The following LRRCC1 variants were observed in gnomAD, a reference collection of about 807,000 sequenced individuals.
LRRCC1 encodes the protein leucine-rich repeat and coiled-coil domain-containing protein 1.
Under a neutral mutation model 126.0 loss-of-function variants are expected in LRRCC1, and 115 were observed. That is an observed-to-expected ratio of 0.91 (90% CI 0.78 to 1.07). LRRCC1 has a LOEUF of 1.07. Ranked by LOEUF, LRRCC1 falls within the 50% of genes least tolerant of loss-of-function variation. LRRCC1 has a pLI of 0.00. For synonymous variants in LRRCC1, 400 were observed against 393.4 expected (o/e 1.02, Z -0.20); for missense variants, 1,172 against 1,175.7 (o/e 1.00, Z 0.05).
At chr8:85,118,535 T>G (rs1364055607) in intron 6 of LRRCC1, among the ~76,000 whole-genome samples, 1 of 152,084 alleles carries the variant, frequency 6.6e-6, no homozygotes, top group Admixed American at 6.6e-5. Flanking sequence ...TCACCAATAT[T>G]TGGTGAGGTT....
chr8:85,136,054 A>G (rs1365772699), intron 14 of LRRCC1, 91 bp downstream of exon 14: 2 of 1,103,094 alleles, frequency 1.8e-6, no homozygotes, highest in Non-Finnish European at 2.4e-6. Context: ...AACTCTGCCT[A>G]AAGATGCCAA....
intron 17 of LRRCC1, among the ~76,000 whole-genome samples, 200 bp downstream of exon 17, chr8:85,138,675 A>G (rs1196808985): frequency 6.6e-6 from 1 of 152,228 alleles, no homozygotes; most frequent in Non-Finnish European, 1.5e-5. Flanking sequence ...GACATTTGAT[A>G]TATATGTGTG....
At chr8:85,121,960 T>A (rs766155350) in intron 6 of LRRCC1, among the ~76,000 whole-genome samples, 6 of 152,246 alleles carry the variant, frequency 3.9e-5, no homozygotes, top group Non-Finnish European at 5.9e-5. Flanking sequence ...ACTTCCAGCC[T>A]GAACTTCCTT....
chr8:85,134,802 A>C (rs1227323526), intron 12 of LRRCC1, 45 bp from the exon 13 acceptor site: 10 of 1,246,178 alleles, frequency 8.0e-6, no homozygotes, highest in African/African-American at 1.6e-5. Context: ...AATATTTTCT[A>C]ATTATTTGGA....
intron 17 of LRRCC1, among the ~76,000 whole-genome samples, chr8:85,139,187 A>G (rs1343947838): frequency 6.6e-6 from 1 of 152,220 alleles, no homozygotes; most frequent in African/African-American, 2.4e-5. Flanking sequence ...GTTGACTACC[A>G]GGGTCAATGA....
rs1463513822 is a variant in LRRCC1 at position 85,129,353 on chromosome 8, CAAAA to C, written c.1603_1606del (p.Lys535GlyfsTer8). 1.1e-5 allele frequency: 17 copies of C among 1,610,602 alleles called. No homozygotes were observed. Among genetic ancestry groups the C allele is most frequent in the Non-Finnish European group, 1.4e-5 (17 of 1,179,160 alleles). The stretch of plus-strand genomic sequence containing the variant: ...AAAAACATTAGAAAAAATGGAGAGA[CAAAA>C]AAGGCAGCAGCAGGCAGCACAGGTA... On this transcript the variant is annotated frameshift_variant, in exon 10 of 19. Transcript: ENST00000360375. LOFTEE classifies it high-confidence loss of function.
intron 6 of LRRCC1, among the ~76,000 whole-genome samples, chr8:85,116,519 C>T (rs947781149): frequency 6.6e-6 from 1 of 151,914 alleles, no homozygotes; most frequent in African/African-American, 2.4e-5. Flanking sequence ...ACTACAGGCA[C>T]ATGCCACTGT....
chr8:85,145,628 T>C lies in LRRCC1; in HGVS notation c.*117T>C. The C allele has an allele frequency of 1.3e-6, 1 of 761,252 alleles. No individual in the cohort carries two copies. The highest frequency in any genetic ancestry group is 4.2e-4 in the Middle Eastern group (1 of 2,376). 47.2% of individuals were successfully genotyped at this position (761,252 alleles called of 1,614,324 possible). A position where few individuals can be genotyped will look rare whatever the true frequency, so the allele number is the denominator to read the frequency against. Reference sequence around the variant, plus strand: ...AAATGTCTCTTTCTATACATTTCATTATGAATATATTTTTAAAGACTTTTG... The same window carrying C: ...AAATGTCTCTTTCTATACATTTCATCATGAATATATTTTTAAAGACTTTTG... On this transcript the variant is annotated 3_prime_UTR_variant, in exon 19 of 19. Transcript: ENST00000360375.
At chr8:85,144,465 TATA>T (rs1563963504) in intron 18 of LRRCC1, among the ~76,000 whole-genome samples, 1 of 52,052 alleles carries the variant, frequency 1.9e-5, no homozygotes, top group African/African-American at 7.9e-5. Flanking sequence ...TATATATATA[TATA>T]TATATATTTT....
At position 85,138,470 on chromosome 8, in the gene LRRCC1, A is replaced by T. The variant is rs1811030653; in HGVS notation, c.2835A>T (p.Leu945=). The change falls in exon 17 of 19, where the codon CTA becomes CTT. Residue 945 remains leucine, a synonymous_variant. Transcript: ENST00000360375. The stretch of plus-strand genomic sequence containing the variant: ...CGGAAAGAGACAAAAGTATTGAACT[A>T]CAAAAGTAAGCATTAGGTTCTAAAG... ...LKAERDKSIE[L]QKNAMEKLHS... 2.5e-6 allele frequency: 4 copies of T among 1,608,984 alleles called. No individual in the cohort carries two copies. The Admixed American group carries it at 6.8e-5, about 27-fold the overall frequency.
chr8:85,111,886 T>G (rs1387409832), intron 3 of LRRCC1, among the ~76,000 whole-genome samples: 1 of 151,808 alleles, frequency 6.6e-6, no homozygotes, highest in African/African-American at 2.4e-5. Context: ...TTTTTTTTTT[T>G]TAATTTGAGG....
chr8:85,109,851 T>C lies in LRRCC1; in HGVS notation c.310+51T>C, dbSNP rs186760994. On this transcript the variant is annotated intron_variant, in intron 2 of 18. Coordinates refer to ENST00000360375, the MANE Select transcript of LRRCC1 (RefSeq NM_033402.5). ...CTTAGCGTAAGGAAAATGATTTAGG[T>C]CCATTTTTTTCCCCAAAAGAATGGA... 60 of 919,092 alleles carry C rather than the reference T, an allele frequency of 6.5e-5. No individual in the cohort carries two copies. The African/African-American group carries it at 6.9e-4, about 11-fold the overall frequency. The allele number at this position is 919,092 out of a possible 1,614,324, so 56.9% of individuals were successfully genotyped here. A position where few individuals can be genotyped will look rare whatever the true frequency, so the allele number is the denominator to read the frequency against.
At chr8:85,139,830 G>T (rs769321832) in intron 17 of LRRCC1, among the ~76,000 whole-genome samples, 25 of 152,146 alleles carry the variant, frequency 1.6e-4, no homozygotes, top group Non-Finnish European at 3.2e-4. Context: ...TTCTAATTAT[G>T]TCAAATCTAA....
rs750190838 is a variant in LRRCC1 at position 85,129,220 on chromosome 8, C to G, written c.1467C>G (p.Leu489=). The G allele has an allele frequency of 6.2e-7, 1 of 1,612,416 alleles. No homozygotes were observed. Among genetic ancestry groups the G allele is most frequent in the Admixed American group, 1.7e-5 (1 of 59,838 alleles). ...IFRERNSKGQ[L]EVMVHKLQNE... is the part of the protein sequence containing the mutation. ...GAGAGAGAAATTCCAAAGGACAACT[C>G]GAAGTTATGGTTCACAAACTTCAAA... The change falls in exon 10 of 19, where the codon CTC becomes CTG. Residue 489 remains leucine (L), a synonymous_variant. Transcript: ENST00000360375.
intron 6 of LRRCC1, among the ~76,000 whole-genome samples, chr8:85,123,090 A>T (rs992442665): frequency 6.6e-6 from 1 of 152,164 alleles, no homozygotes; most frequent in Admixed American, 6.6e-5. Flanking sequence ...AAAAACAGAA[A>T]CACTCTCATT....
chr8:85,107,315 T>C lies in LRRCC1; in HGVS notation c.20T>C (p.Val7Ala), dbSNP rs749120809. ...AGTGCTATGGAGGCGGCGGCGGCGG[T>C]GGTGGCGGCAGAGGCGGAAGTGGAA... is the stretch of plus-strand genomic sequence containing the variant. MEAAAA[V>A]VAAEAEVENE... Residue 7 changes from valine (V) to alanine (A), a missense_variant, in exon 1 of 19, where the codon GTG (valine) becomes GCG (alanine). Val to Ala is a moderately conservative substitution (Grantham distance 64). Transcript: ENST00000360375. 1.2e-6 allele frequency: 2 copies of C among 1,611,496 alleles called. No individual in the cohort carries two copies. The highest frequency in any genetic ancestry group is 1.7e-6 in the Non-Finnish European group (2 of 1,179,204).
chr8:85,112,983 A>C lies in LRRCC1; in HGVS notation c.428A>C (p.His143Pro), dbSNP rs199512806. The C allele has an allele frequency of 1.3e-4, 207 of 1,601,136 alleles. No individual in the cohort carries two copies. The African/African-American group carries it at 2.5e-3, about 20-fold the overall frequency. Residue 143 changes from histidine (H) to proline (P), a missense_variant, in exon 4 of 19, where the codon CAT becomes CCT. His to Pro is a moderately conservative substitution (Grantham distance 77). Transcript: ENST00000360375. ...IKHKLRYIDL[H>P]SNRIDSIHHL... ...CATAAACTTAGATATATTGATCTAC[A>C]TAGTAATCGTATAGATAGTATCCAT...
intron 12 of LRRCC1, 51 bp from the exon 13 acceptor site, chr8:85,134,796 T>C (rs776468304): frequency 1.7e-6 from 2 of 1,196,908 alleles, no homozygotes; most frequent in Non-Finnish European, 2.3e-6. Flanking sequence ...GAAGCAAATA[T>C]TTTCTAATTA....
intron 6 of LRRCC1, among the ~76,000 whole-genome samples, chr8:85,120,580 G>A (rs1331444989): frequency 6.6e-6 from 1 of 152,064 alleles, no homozygotes; most frequent in African/African-American, 2.4e-5. Flanking sequence ...CAATTCAGTG[G>A]TACCTATTAG....
Sources: gnomAD v4.1 joint callset for allele counts (sites outside exome capture counted in the v4.1 genomes callset) on GRCh38, gnomAD v4.1.1 for gene constraint, MANE v1.5 for transcripts, NCBI Gene and HGNC (gene_info 2026-07-23, HGNC 2026-07-21) for gene names.